The following CPLANE1 variants were observed in gnomAD, a reference collection of about 807,000 sequenced individuals.
CPLANE1 encodes ciliogenesis and planar polarity effector complex subunit 1, also known as ciliogenesis and planar polarity effector 1.
A neutral mutation model predicts 362.5 loss-of-function variants in CPLANE1; 263 were observed. That is an observed-to-expected ratio of 0.73 (90% confidence interval 0.66 to 0.80). The LOEUF (loss-of-function observed/expected upper bound fraction) is 0.80. Ranked by LOEUF, CPLANE1 falls within the 30% of genes least tolerant of loss-of-function variation. The pLI, the probability that CPLANE1 is intolerant of heterozygous loss-of-function variation, is 0.00. For synonymous variants in CPLANE1, 1,212 were observed against 1,302.6 expected (o/e 0.93, Z 1.50); for missense variants, 3,461 against 3,793.4 (o/e 0.91, Z 2.30).
At position 37,153,847 on chromosome 5, in the gene CPLANE1, C is replaced by A. The variant is rs1485846234; in HGVS notation, c.8266G>T (p.Ala2756Ser). Residue 2756 changes from alanine (A) to serine (S), a missense_variant, in exon 42 of 53, where the codon GCT (alanine) becomes TCT (serine). Ala to Ser is a moderately conservative substitution (Grantham distance 99). Coordinates refer to ENST00000651892, the MANE Select transcript of CPLANE1 (RefSeq NM_001384732.1). ...TGCTCGTCAATTTTCTGAAGCTTAG[C>A]ACTGAGATGCTCTAGTTGGTGAGCT... ...SAAHQLEHLS[A>S]KLQKIDEQLL... 6.2e-7 allele frequency: 1 copy of A among 1,614,110 alleles called. No homozygotes were observed. Among genetic ancestry groups the A allele is most frequent in the East Asian group, 2.2e-5 (1 of 44,870 alleles).
In CPLANE1 at chr5:37,142,466, G is replaced by A; in HGVS notation, c.8476C>T (p.His2826Tyr). The part of the protein sequence containing the change: ...SISEEVRFLT[H>Y]MDEEDQSDKK... ...TCACTTTGATCTTCTTCATCCATAT[G>A]GGTCAAAAAACGCACTAATCCAGAG... Residue 2826 changes from histidine to tyrosine, a missense_variant, in exon 44 of 53, where the codon CAT becomes TAT. By Grantham distance (83) the His-to-Tyr change is moderately conservative. Around this residue, in one of 2 missense-constraint regions of CPLANE1, gnomAD observed 3,380 missense variants for 3,666.1 expected, o/e 0.92. Coordinates refer to ENST00000651892, the MANE Select transcript of CPLANE1 (RefSeq NM_001384732.1). 6.3e-7 allele frequency: 1 copy of A among 1,588,022 alleles called. No homozygotes were observed. The highest frequency in any genetic ancestry group is 8.5e-7 in the Non-Finnish European group (1 of 1,169,612).
In CPLANE1 at chr5:37,227,832, T is replaced by A. The variant is rs1231876872; in HGVS notation, c.1122-15A>T. ...ACTGCTGTGGTCTAGTAAACAAACA[T>A]CAAAATACAAGAATCAGTAAGAGAA... On this transcript the variant is annotated splice_polypyrimidine_tract_variant and intron_variant, in intron 9 of 52. Transcript: ENST00000651892. 5 of 1,534,110 alleles carry A rather than the reference T, an allele frequency of 3.3e-6. No homozygotes were observed. Among genetic ancestry groups the A allele is most frequent in the Non-Finnish European group, 4.4e-6 (5 of 1,138,234 alleles).
At chr5:37,144,935 G>A (rs1771072811) in intron 43 of CPLANE1, among the ~76,000 whole-genome samples, 1 of 151,892 alleles carries the variant, frequency 6.6e-6, no homozygotes. Context: ...TCTTAACTAA[G>A]TGCTGACTTA....
rs911683990 is a variant in CPLANE1 at position 37,116,544 on chromosome 5, G to C, written c.9311-1495C>G. On this transcript the variant is annotated intron_variant, in intron 50 of 52. Transcript: ENST00000651892. ...TGAAGTGGGAAGATGATCTGAGCCA[G>C]GGAGGTCAAGGTTGCAGTGAGCCAT... 2.7e-5 allele frequency among the ~76,000 whole-genome samples: 4 copies of C among 146,796 alleles called. No homozygotes were observed. In the South Asian group the frequency reaches 6.6e-4, roughly 24 times the overall value.
the CPLANE1 span, among the ~76,000 whole-genome samples, chr5:37,091,842 T>C: frequency 6.6e-6 from 1 of 152,024 alleles, no homozygotes; most frequent in Non-Finnish European, 1.5e-5. Flanking sequence ...GTACCGGAGA[T>C]GAAGGAACTG....
Position 37,106,952 on chromosome 5 carries a change from C to G in CPLANE1, c.*650G>C. The G allele has an allele frequency of 1.0e-6, 1 of 985,422 alleles. No homozygotes were observed. The allele number at this position is 985,422 out of a possible 1,614,324, so 61.0% of individuals were successfully genotyped here. On this transcript the variant is annotated 3_prime_UTR_variant, in exon 53 of 53. Transcript: ENST00000651892. Reference sequence around the variant, plus strand: ...TTCTTACAAATTTAAGATGAGCCTTCTAGAGGCCGGAGTCATATTCCCTTA... The same window carrying G: ...TTCTTACAAATTTAAGATGAGCCTTGTAGAGGCCGGAGTCATATTCCCTTA...
chr5:37,221,322 A>T lies in CPLANE1; in HGVS notation c.2746+2T>A. The T allele has an allele frequency of 6.7e-7, 1 of 1,488,832 alleles. No homozygotes were observed. The highest frequency in any genetic ancestry group is 8.9e-7 in the Non-Finnish European group (1 of 1,123,210). The allele number at this position is 1,488,832 out of a possible 1,614,324, so 92.2% of individuals were successfully genotyped here. Reference sequence around the variant, plus strand: ...TACAAAGAAAGAAAAAAAAAAGCATACCTGAAAAATCTTTATTTTCTTTTA... The same window carrying T: ...TACAAAGAAAGAAAAAAAAAAGCATTCCTGAAAAATCTTTATTTTCTTTTA... On this transcript the variant is annotated splice_donor_variant, in intron 15 of 52. Transcript: ENST00000651892. LOFTEE classifies it high-confidence loss of function.
intron 13 of CPLANE1, 32 bp from the exon 14 acceptor site, chr5:37,224,365 G>T: frequency 7.0e-7 from 1 of 1,432,644 alleles, no homozygotes; most frequent in Non-Finnish European, 9.5e-7. Context: ...ATTAGTCATA[G>T]TTAATTATAT....
At chr5:37,085,661 C>A in the CPLANE1 span, 1 of 1,059,026 alleles carries the variant, frequency 9.4e-7, no homozygotes, top group Non-Finnish European at 1.5e-6. Flanking sequence ...CAGAGAGAGG[C>A]ACCCTGGATC....
In CPLANE1 at chr5:37,169,412, A is replaced by C. The variant is rs1016503821; in HGVS notation, c.6612T>G (p.Ser2204=). Reference sequence around the variant, plus strand: ...TAAGTCTAGGTGCCTTCTGAACAACAGAAGGTGTGGACAAAAGGTAGAGGT... The same window carrying C: ...TAAGTCTAGGTGCCTTCTGAACAACCGAAGGTGTGGACAAAAGGTAGAGGT... The part of the protein sequence containing the change: ...NTHLYLLSTP[S]VVQKAPRLIP... The change falls in exon 34 of 53, where the codon TCT becomes TCG. Residue 2204 remains serine, a synonymous_variant. Coordinates refer to ENST00000651892, the MANE Select transcript of CPLANE1 (RefSeq NM_001384732.1). 3 of 1,614,126 alleles carry C rather than the reference A, an allele frequency of 1.9e-6. No homozygotes were observed. The highest frequency in any genetic ancestry group is 1.7e-6 in the Non-Finnish European group (2 of 1,180,044).
intron 43 of CPLANE1, among the ~76,000 whole-genome samples, chr5:37,146,273 A>G (rs1771550599): frequency 6.6e-6 from 1 of 151,636 alleles, no homozygotes. Flanking sequence ...CCGCCTCCTG[A>G]GTTCAAGCAA....
intron 44 of CPLANE1, chr5:37,142,059 C>T: frequency 1.1e-6 from 1 of 888,314 alleles, no homozygotes; most frequent in Non-Finnish European, 1.4e-6. Flanking sequence ...TACAGTAATT[C>T]CAGTTGCTAT....
rs776046563 is a variant in CPLANE1 at position 37,107,570 on chromosome 5, C to T, written c.*32G>A. ...CAGAACCACATTACTGAGGTGCTGGCCTGTGCATGGAAACCCAATGATATC... is the reference window on the plus strand; with the variant it reads ...CAGAACCACATTACTGAGGTGCTGGTCTGTGCATGGAAACCCAATGATATC... On this transcript the variant is annotated 3_prime_UTR_variant, in exon 53 of 53. Coordinates refer to ENST00000651892, the MANE Select transcript of CPLANE1 (RefSeq NM_001384732.1). The T allele has an allele frequency of 1.9e-6, 3 of 1,573,708 alleles. No homozygotes were observed. The highest frequency in any genetic ancestry group is 2.3e-5 in the South Asian group (2 of 85,582).
At chr5:37,139,094 TTA>T (rs1768803937) in intron 45 of CPLANE1, among the ~76,000 whole-genome samples, 1 of 152,152 alleles carries the variant, frequency 6.6e-6, no homozygotes, top group South Asian at 2.1e-4. Flanking sequence ...CTGTTTAAAT[TTA>T]ATCCATATTT....
rs550690150 is a variant in CPLANE1 at position 37,208,526 on chromosome 5, A to T, written c.2921-2101T>A. 3.3e-5 allele frequency among the ~76,000 whole-genome samples: 5 copies of T among 152,264 alleles called. No homozygotes were observed. The South Asian group carries it at 6.2e-4, about 19-fold the overall frequency. On this transcript the variant is annotated intron_variant, in intron 16 of 52. Transcript: ENST00000651892. Reference sequence around the variant, plus strand: ...CCCCGTCTCCACTAAAAATACAAAAAATTAGCCCAGCGAGGTGGTGGGCGC... The same window carrying T: ...CCCCGTCTCCACTAAAAATACAAAATATTAGCCCAGCGAGGTGGTGGGCGC...
chr5:37,116,551 C>A (rs1761046452), intron 50 of CPLANE1, among the ~76,000 whole-genome samples: 2 of 130,512 alleles, frequency 1.5e-5, no homozygotes, highest in South Asian at 2.6e-4. Context: ...CCAGGGAGGT[C>A]AAGGTTGCAG....
Position 37,245,476 on chromosome 5 carries a change from C to T in CPLANE1, c.337+3G>A. On this transcript the variant is annotated splice_donor_region_variant and intron_variant, in intron 4 of 52. Transcript: ENST00000651892. The stretch of plus-strand genomic sequence containing the variant: ...CAACTTAAACAAATAAAAAAATTCC[C>T]ACCGACTGTAGCTTTGATCATTTCC... 1.4e-6 allele frequency: 2 copies of T among 1,439,464 alleles called. No homozygotes were observed. Among genetic ancestry groups the T allele is most frequent in the Non-Finnish European group, 1.8e-6 (2 of 1,091,772 alleles). The allele number at this position is 1,439,464 out of a possible 1,614,324, so 89.2% of individuals were successfully genotyped here.
intron 16 of CPLANE1, chr5:37,212,470 A>G: frequency 1.5e-6 from 1 of 675,340 alleles, no homozygotes; most frequent in Non-Finnish European, 2.7e-6. Context: ...TCAACAGATA[A>G]AACTCTGAAT....
intron 38 of CPLANE1, among the ~76,000 whole-genome samples, chr5:37,158,628 CT>C (rs1015939735): frequency 6.6e-5 from 10 of 152,190 alleles, no homozygotes; most frequent in African/African-American, 1.9e-4. Flanking sequence ...CTAAAATTTC[CT>C]ATTTCCGTAT....
Sources: gnomAD v4.1 joint callset for allele counts (sites outside exome capture counted in the v4.1 genomes callset) on GRCh38, gnomAD v4.1.1 for gene constraint, gnomAD v4.1.1 regional missense constraint, MANE v1.5 for transcripts, NCBI Gene and HGNC (gene_info 2026-07-23, HGNC 2026-07-21) for gene names.